The following STX8 variants were observed in gnomAD, a reference collection of about 807,000 sequenced individuals.
STX8 encodes syntaxin 8.
STX8 carries 23 observed loss-of-function variants against 37.5 expected under a neutral mutation model. That is an observed-to-expected ratio of 0.61 (90% CI 0.44 to 0.87). The LOEUF (loss-of-function observed/expected upper bound fraction) is 0.87. STX8 is among the 40% of genes least tolerant of loss of function. STX8 has a pLI of 0.00. For missense variants in STX8, 313 were observed against 284.7 expected (o/e 1.10, Z -0.71); for synonymous variants, 115 against 99.1 (o/e 1.16, Z -0.95).
At chr17:9,519,950 A>G (rs1322474755) in intron 4 of STX8, among the ~76,000 whole-genome samples, 2 of 152,086 alleles carry the variant, frequency 1.3e-5, no homozygotes, top group African/African-American at 4.8e-5. Flanking sequence ...CCATGGTGCT[A>G]TGTTCACAAC....
At chr17:9,380,093 T>C (rs545156795) in intron 6 of STX8, among the ~76,000 whole-genome samples, 2 of 152,182 alleles carry the variant, frequency 1.3e-5, no homozygotes, top group African/African-American at 4.8e-5. Context: ...ATCTTAACTA[T>C]GTAAAATTAT....
intron 7 of STX8, among the ~76,000 whole-genome samples, chr17:9,257,924 G>C (rs1051161139): frequency 6.6e-6 from 1 of 152,216 alleles, no homozygotes; most frequent in Non-Finnish European, 1.5e-5. Context: ...GGGAGGAGGA[G>C]GTTGCGGTGA....
intron 7 of STX8, among the ~76,000 whole-genome samples, chr17:9,284,139 G>A (rs534139582): frequency 1.3e-5 from 2 of 152,208 alleles, no homozygotes; most frequent in African/African-American, 4.8e-5. Flanking sequence ...AGTGAACTGG[G>A]GATTCCAGTT....
At chr17:9,285,190 G>A (rs1236881229) in intron 7 of STX8, among the ~76,000 whole-genome samples, 1 of 151,996 alleles carries the variant, frequency 6.6e-6, no homozygotes, top group African/African-American at 2.4e-5. Flanking sequence ...TGTGGGTAGG[G>A]CTTAGAGAGA....
At chr17:9,359,768 G>C (rs12450824) in intron 7 of STX8, among the ~76,000 whole-genome samples, 1 of 151,872 alleles carries the variant, frequency 6.6e-6, no homozygotes, top group African/African-American at 2.4e-5. Context: ...TTGGCCTCCC[G>C]AAGTGCTGGG....
At chr17:9,456,315 A>G (rs958925040) in intron 6 of STX8, among the ~76,000 whole-genome samples, 5 of 152,240 alleles carry the variant, frequency 3.3e-5, no homozygotes, top group African/African-American at 1.2e-4. Context: ...TCTTTGGAAC[A>G]GAAATTACAA....
At chr17:9,296,398 T>C (rs1334640036) in intron 7 of STX8, among the ~76,000 whole-genome samples, 2 of 151,496 alleles carry the variant, frequency 1.3e-5, no homozygotes, top group Non-Finnish European at 2.9e-5. Flanking sequence ...CTTGGGAGGC[T>C]GTGGCAGGAG....
At position 9,403,437 on chromosome 17, in the gene STX8, G is replaced by A. The variant is rs573241143; in HGVS notation, c.542-24784C>T. Among the ~76,000 whole-genome samples the A allele has an allele frequency of 6.6e-5, 10 of 152,266 alleles. No homozygotes were observed. The South Asian group carries it at 1.2e-3, about 19-fold the overall frequency. On this transcript the variant is annotated intron_variant, in intron 6 of 7. Transcript: ENST00000306357. The stretch of plus-strand genomic sequence containing the variant: ...ACTGAAAACACTGACATGTGTGTGC[G>A]ATGGCATAAGTAGGAAATGTGTGTG...
intron 1 of STX8, among the ~76,000 whole-genome samples, chr17:9,573,070 C>T (rs1228151907): frequency 1.4e-4 from 11 of 79,984 alleles, no homozygotes; most frequent in Non-Finnish European, 3.2e-4. Context: ...ATTCTAAGCC[C>T]ACCCCCAACA....
chr17:9,546,571 T>A (rs1217651670), intron 3 of STX8, among the ~76,000 whole-genome samples: 1 of 145,018 alleles, frequency 6.9e-6, no homozygotes, highest in Non-Finnish European at 1.5e-5. Flanking sequence ...CTAGCTTTCT[T>A]GATGCAAACT....
At chr17:9,275,899 CG>C (rs1308406864) in intron 7 of STX8, among the ~76,000 whole-genome samples, 1 of 151,396 alleles carries the variant, frequency 6.6e-6, no homozygotes, top group African/African-American at 2.4e-5. Context: ...AAAAAAAGGG[CG>C]GGGGATAACA....
At chr17:9,475,065 G>C (rs1342589322) in intron 6 of STX8, among the ~76,000 whole-genome samples, 1 of 152,036 alleles carries the variant, frequency 6.6e-6, no homozygotes, top group East Asian at 1.9e-4. Flanking sequence ...ACTATGACCT[G>C]GTAAAAAAAT....
intron 7 of STX8, among the ~76,000 whole-genome samples, chr17:9,377,474 AAATT>A (rs765379688): frequency 4.6e-5 from 7 of 151,882 alleles, no homozygotes; most frequent in African/African-American, 9.7e-5. Flanking sequence ...CTAATTTTTA[AAATT>A]AATTAATTTT....
At chr17:9,549,751 T>C (rs189686503) in intron 3 of STX8, among the ~76,000 whole-genome samples, 7 of 152,128 alleles carry the variant, frequency 4.6e-5, no homozygotes, top group Admixed American at 4.6e-4. Flanking sequence ...TGAGAATAAA[T>C]TGATTAATGA....
Position 9,279,182 on chromosome 17 carries a change from C to CA in STX8, c.644-28538dup, listed in dbSNP as rs548380929. On this transcript the variant is annotated intron_variant, in intron 7 of 7. Coordinates refer to ENST00000306357, the MANE Select transcript of STX8 (RefSeq NM_004853.3). ...AAGCAATTTTCCTGCCTCAGCCTCC[C>CA]AAGTATTTGGGATTACAGGCACCCG... Among the ~76,000 whole-genome samples, 403 of 152,030 alleles carry CA rather than the reference C, an allele frequency of 2.7e-3. 4 individuals are homozygous for CA. Among genetic ancestry groups the CA allele is most frequent in the African/African-American group, 9.5e-3 (393 of 41,462 alleles).
At chr17:9,342,777 CTT>C (rs1371050531) in intron 7 of STX8, among the ~76,000 whole-genome samples, 2 of 152,224 alleles carry the variant, frequency 1.3e-5, no homozygotes, top group South Asian at 4.1e-4. Flanking sequence ...AATCCCAGCA[CTT>C]TGGGACACTG....
chr17:9,444,234 C>A (rs1904763397), intron 6 of STX8, among the ~76,000 whole-genome samples: 1 of 152,192 alleles, frequency 6.6e-6, no homozygotes, highest in African/African-American at 2.4e-5. Context: ...AGCGGTCCTC[C>A]CACTTTGGCC....
intron 4 of STX8, among the ~76,000 whole-genome samples, chr17:9,518,207 T>C (rs1905212580): frequency 6.6e-6 from 1 of 152,090 alleles, no homozygotes. Flanking sequence ...CGTTCACTCC[T>C]CAACCCACTG....
chr17:9,425,218 C>T (rs990543082), intron 6 of STX8, among the ~76,000 whole-genome samples: 1 of 152,142 alleles, frequency 6.6e-6, no homozygotes, highest in African/African-American at 2.4e-5. Flanking sequence ...TTATATCACC[C>T]AACACTGTAC....
Sources: allele counts gnomAD v4.1 joint callset (sites outside exome capture counted in the v4.1 genomes callset), GRCh38; gene constraint gnomAD v4.1.1; transcripts MANE v1.5; gene names NCBI Gene and HGNC (gene_info 2026-07-23, HGNC 2026-07-21).